Variants in NUP93 observed in about 807,000 individuals in gnomAD.
NUP93 encodes nuclear pore complex protein Nup93.
Under a neutral mutation model 107.8 loss-of-function variants are expected in NUP93, and 55 were observed. The observed-to-expected ratio is 0.51, with a 90% CI of 0.41 to 0.64. The LOEUF is 0.64. Among genes scored for constraint, NUP93 ranks in the 30% least tolerant of loss-of-function variants. The pLI is 0.00. For synonymous variants in NUP93, 390 were observed against 397.5 expected, an observed-to-expected ratio of 0.98 and a Z score of 0.22; for missense variants, 937 against 1,044.7, an observed-to-expected ratio of 0.90 and a Z score of 1.42.
chr16:56,828,889 G>A, intron 8 of NUP93, 88 bp from the exon 9 acceptor site: 3 of 1,392,720 alleles, frequency 2.2e-6, no homozygotes, highest in Non-Finnish European at 3.0e-6. Context: ...GCCCTTCCAA[G>A]CTACAGTGTA....
At chr16:56,834,847 C>A in intron 16 of NUP93, 69 bp downstream of exon 16, 1 of 1,245,962 alleles carries the variant, frequency 8.0e-7, no homozygotes. Flanking sequence ...AAAAAATACA[C>A]TTAGATTTTA....
chr16:56,841,598 A>T, intron 20 of NUP93, 107 bp from the exon 21 acceptor site: 1 of 1,366,688 alleles, frequency 7.3e-7, no homozygotes, highest in South Asian at 1.4e-5. Context: ...GGCAATGGTG[A>T]GGAGTGGTGC....
At chr16:56,773,816 T>C (rs1385770170) in intron 3 of NUP93, among the ~76,000 whole-genome samples, 2 of 152,226 alleles carry the variant, frequency 1.3e-5, no homozygotes. Flanking sequence ...GGACTAATAC[T>C]GAATTTTCAC....
chr16:56,751,956 C>T (rs1172779944), intron 2 of NUP93, among the ~76,000 whole-genome samples: 1 of 152,204 alleles, frequency 6.6e-6, no homozygotes, highest in Non-Finnish European at 1.5e-5. Flanking sequence ...CTGTCTCCTT[C>T]GTCAGTCCTT....
intron 3 of NUP93, among the ~76,000 whole-genome samples, chr16:56,776,229 T>C (rs1369874690): frequency 8.1e-5 from 12 of 148,864 alleles, no homozygotes; most frequent in East Asian, 8.0e-4. Context: ...TACAGTTTTT[T>C]CCCCCCTTGT....
rs189549315 is a variant in NUP93, at chr16:56,734,153, T to A, written c.-15+3942T>A. 5.9e-5 allele frequency among the ~76,000 whole-genome samples: 9 copies of A among 152,326 alleles called. No homozygotes were observed. In the East Asian group the frequency reaches 1.7e-3, roughly 29 times the overall value. On this transcript the variant is annotated intron_variant, in intron 1 of 21. Transcript: ENST00000308159. ...CATGTGATGCCAGAAATTGATAACA[T>A]ACTACCAACGAGGTAAAACAGAAAT...
In NUP93 at chr16:56,814,994, C is replaced by T. The variant is rs141891249; in HGVS notation, c.490-3670C>T. On this transcript the variant is annotated intron_variant, in intron 5 of 21. Transcript: ENST00000308159. ...TCTTGTGGATAATTGACTTTATGTGCGGGGAAATAGCGGCTTGGTCAAGGG... is the reference window on the plus strand; with the variant it reads ...TCTTGTGGATAATTGACTTTATGTGTGGGGAAATAGCGGCTTGGTCAAGGG... Among the ~76,000 whole-genome samples, 201 of 152,194 alleles carry T rather than the reference C, an allele frequency of 1.3e-3. 1 individual carries two copies. Among genetic ancestry groups the T allele is most frequent in the African/African-American group, 4.4e-3 (183 of 41,514 alleles).
intron 1 of NUP93, among the ~76,000 whole-genome samples, chr16:56,735,246 T>A (rs1315694300): frequency 6.6e-6 from 1 of 152,216 alleles, no homozygotes; most frequent in East Asian, 1.9e-4. Context: ...GAGATGCAGT[T>A]ATTTTTCCAT....
At chr16:56,809,086 G>A (rs73557721) in intron 5 of NUP93, among the ~76,000 whole-genome samples, 4,689 of 151,874 alleles carry the variant, frequency 0.031, 88 homozygotes, top group South Asian at 0.061. Flanking sequence ...TTCCCTTCAT[G>A]TATCCCAGAG....
Position 56,841,714 on chromosome 16 carries a change from A to G in NUP93, c.2230A>G (p.Asn744Asp). Reference sequence around the variant, plus strand: ...TTTTCTCTCTATGTAGATCAGGCACAACCTCTCAGAAGTGCTTCTTGCCAC... The same window carrying G: ...TTTTCTCTCTATGTAGATCAGGCACGACCTCTCAGAAGTGCTTCTTGCCAC... ...FRNFSDEIRH[N>D]LSEVLLATMN... The change falls in exon 21 of 22, where the codon AAC becomes GAC. Residue 744 changes from asparagine to aspartate, a missense_variant. Coordinates refer to ENST00000308159, the MANE Select transcript of NUP93 (RefSeq NM_014669.5). The G allele has an allele frequency of 6.2e-7, 1 of 1,614,148 alleles. No individual in the cohort carries two copies. Among genetic ancestry groups the G allele is most frequent in the Middle Eastern group, 1.6e-4 (1 of 6,062 alleles).
At chr16:56,749,638 G>A (rs1343154188) in intron 2 of NUP93, among the ~76,000 whole-genome samples, 4 of 152,224 alleles carry the variant, frequency 2.6e-5, no homozygotes, top group African/African-American at 9.6e-5. Context: ...GCATTTAACA[G>A]ATGTCACAGG....
In NUP93 at chr16:56,789,089, T is replaced by G. The variant is rs8054702; in HGVS notation, c.298-9387T>G. On this transcript the variant is annotated intron_variant, in intron 3 of 21. Coordinates refer to ENST00000308159, the MANE Select transcript of NUP93 (RefSeq NM_014669.5). The stretch of plus-strand genomic sequence containing the variant: ...TCTGCAAAAGGCATTTGGATAGACT[T>G]ACATTAGTGTCTCTAAGGCCTGTGG... Among the ~76,000 whole-genome samples, 1,341 of 152,234 alleles carry G rather than the reference T, an allele frequency of 8.8e-3. 17 individuals are homozygous for G. Among genetic ancestry groups the G allele is most frequent in the African/African-American group, 0.031 (1,267 of 41,528 alleles).
chr16:56,794,724 C>T (rs1386699203), intron 3 of NUP93, among the ~76,000 whole-genome samples: 3 of 151,686 alleles, frequency 2.0e-5, no homozygotes, highest in Non-Finnish European at 1.5e-5. Context: ...GTCAGGAGAT[C>T]GAGACCATCC....
intron 10 of NUP93, among the ~76,000 whole-genome samples, 181 bp downstream of exon 10, chr16:56,830,866 G>T (rs1390446222): frequency 6.6e-6 from 1 of 152,146 alleles, no homozygotes; most frequent in Admixed American, 6.5e-5. Context: ...TTAAAAGAAT[G>T]CCCCATTCTG....
intron 3 of NUP93, among the ~76,000 whole-genome samples, chr16:56,791,484 T>G (rs2144540530): frequency 6.6e-6 from 1 of 152,360 alleles, no homozygotes; most frequent in South Asian, 2.1e-4. Flanking sequence ...TAGTTTTCAC[T>G]TTTGGGAACA....
chr16:56,801,723 C>G (rs371398072), intron 4 of NUP93, among the ~76,000 whole-genome samples: 1 of 152,208 alleles, frequency 6.6e-6, no homozygotes, highest in South Asian at 2.1e-4. Flanking sequence ...AACTACAGCA[C>G]TGTTCATTCA....
chr16:56,827,208 A>T (rs1209209365), intron 8 of NUP93, among the ~76,000 whole-genome samples: 1 of 152,196 alleles, frequency 6.6e-6, no homozygotes. Context: ...TTAGAAAGTT[A>T]TTACATTAAC....
intron 1 of NUP93, among the ~76,000 whole-genome samples, chr16:56,745,023 G>A (rs1162944132): frequency 2.0e-5 from 3 of 152,196 alleles, no homozygotes; most frequent in East Asian, 1.9e-4. Flanking sequence ...GCTTGGGTAC[G>A]TCAGTGAACA....
rs1275907686 is a variant in NUP93, at chr16:56,834,731, C to T, written c.1738-3C>T. The T allele has an allele frequency of 1.2e-6, 2 of 1,610,496 alleles. No individual in the cohort carries two copies. Among genetic ancestry groups the T allele is most frequent in the African/African-American group, 1.3e-5 (1 of 74,804 alleles). On this transcript the variant is annotated splice_polypyrimidine_tract_variant and splice_region_variant and intron_variant, in intron 15 of 21. Transcript: ENST00000308159. ...ATTTGAGTAAACTTTTTTCCTTCCACAGTTCGATATGATTCTTGGGAAACT... is the reference window on the plus strand; with the variant it reads ...ATTTGAGTAAACTTTTTTCCTTCCATAGTTCGATATGATTCTTGGGAAACT...
Sources: allele counts gnomAD v4.1 joint callset (sites outside exome capture counted in the v4.1 genomes callset), GRCh38; gene constraint gnomAD v4.1.1; transcripts MANE v1.5; gene names NCBI Gene and HGNC (gene_info 2026-07-23, HGNC 2026-07-21).